DEPDC1: variants seen among roughly 807,000 people sequenced by gnomAD.
DEPDC1 encodes DEP domain containing 1.
In DEPDC1, 66 loss-of-function variants were observed where a neutral mutation model predicts 86.8. That is an observed-to-expected ratio of 0.76 (90% CI 0.62 to 0.93). The LOEUF (loss-of-function observed/expected upper bound fraction) is 0.93. Among genes scored for constraint, DEPDC1 ranks in the 40% least tolerant of loss-of-function variants. The pLI, the probability that DEPDC1 is intolerant of heterozygous loss-of-function variation, is 0.00. For missense variants in DEPDC1, 792 were observed against 935.7 expected (o/e 0.85, Z 2.00); for synonymous variants, 255 against 314.9 (o/e 0.81, Z 2.02).
At chr1:68,481,983 C>G (rs1017316843) in intron 8 of DEPDC1, 63 bp downstream of exon 8, 2 of 1,447,536 alleles carry the variant, frequency 1.4e-6, no homozygotes, top group Admixed American at 2.6e-5. Flanking sequence ...GCCAGGTAAG[C>G]AAAACACAGA....
chr1:68,496,549 C>G lies in DEPDC1; in HGVS notation c.48+403G>C, dbSNP rs1646266499. The G allele has an allele frequency of 5.3e-6, 1 of 189,170 alleles. No homozygotes were observed. The highest frequency in any genetic ancestry group is 2.3e-5 in the African/African-American group (1 of 42,982). 11.7% of individuals were successfully genotyped at this position (189,170 alleles called of 1,614,324 possible). A position where few individuals can be genotyped will look rare whatever the true frequency, so the allele number is the denominator to read the frequency against. On this transcript the variant is annotated intron_variant, in intron 1 of 11. Transcript: ENST00000456315. This position sits in a 1 kb window ranked among gnomAD's most constrained non-coding sequence, Gnocchi z 4.0. ...TGCCACATTCGGGCTTGCCCCCCAC[C>G]TAACCCTACAAAGCTTTGGACCTCA...
Position 68,481,575 on chromosome 1 carries a change from A to T in DEPDC1, c.1800T>A (p.Asp600Glu). The stretch of plus-strand genomic sequence containing the variant: ...GTAACAAACAACATAACTGTAGAGC[A>T]TCGATGGCAACCCTCTCTAAATGAG... ...LQPHLERVAIDALQLCCLLLP... is the reference protein window; with the variant it reads ...LQPHLERVAIEALQLCCLLLP... Residue 600 changes from aspartate to glutamate, a missense_variant, in exon 9 of 12, where the codon GAT becomes GAA. By Grantham distance (45) the Asp-to-Glu change is conservative (BLOSUM62 2). Transcript: ENST00000456315. 6.2e-7 allele frequency: 1 copy of T among 1,609,496 alleles called. No individual in the cohort carries two copies. The highest frequency in any genetic ancestry group is 8.5e-7 in the Non-Finnish European group (1 of 1,177,474).
rs1309300319 is a variant in DEPDC1 at position 68,475,289 on chromosome 1, TA to T, written c.*1642del. The T allele has an allele frequency of 1.3e-5, 2 of 151,980 alleles. No individual in the cohort carries two copies. The highest frequency in any genetic ancestry group is 3.9e-4 in the East Asian group (2 of 5,190). 9.4% of individuals were successfully genotyped at this position (151,980 alleles called of 1,614,324 possible). A position where few individuals can be genotyped will look rare whatever the true frequency, so the allele number is the denominator to read the frequency against. On this transcript the variant is annotated 3_prime_UTR_variant, in exon 12 of 12. Transcript: ENST00000456315. The stretch of plus-strand genomic sequence containing the variant: ...AAGTTGCCTGCCTTTATTATTTATA[TA>T]TTTGTCTATAATACAAAAGCAAAAT...
Position 68,474,496 on chromosome 1 carries a change from A to C in DEPDC1, c.*2436T>G, listed in dbSNP as rs902746345. The stretch of plus-strand genomic sequence containing the variant: ...GATGGTGGAGGCAGTAATTTCTGGG[A>C]TAAGAACTATAATTTACAGAATAAC... On this transcript the variant is annotated 3_prime_UTR_variant, in exon 12 of 12. Transcript: ENST00000456315. 6.6e-6 allele frequency: 1 copy of C among 152,072 alleles called. No homozygotes were observed. The highest frequency in any genetic ancestry group is 1.5e-5 in the Non-Finnish European group (1 of 67,980). The allele number at this position is 152,072 out of a possible 1,614,324, so 9.4% of individuals were successfully genotyped here. A position where few individuals can be genotyped will look rare whatever the true frequency, so the allele number is the denominator to read the frequency against.
intron 3 of DEPDC1, among the ~76,000 whole-genome samples, 187 bp downstream of exon 3, chr1:68,489,261 TCTCA>T (rs1345130473): frequency 6.6e-6 from 1 of 151,946 alleles, no homozygotes; most frequent in Non-Finnish European, 1.5e-5. Flanking sequence ...TTCAATTATG[TCTCA>T]CTATCATTTT....
rs142997837 is a variant in DEPDC1 at position 68,494,627 on chromosome 1, T to C, written c.117A>G (p.Lys39=). Residue 39 remains lysine (K), a synonymous_variant, in exon 2 of 12, where the codon AAA becomes AAG. Coordinates refer to ENST00000456315, the MANE Select transcript of DEPDC1 (RefSeq NM_001114120.3). ...CTCCTGCTGTGAAACAATTGCCATA[T>C]TTTTTAAAGTGTTGTCTGTGTTTTC... ...PLRKHRQHFK[K]YGNCFTAGEA... The C allele has an allele frequency of 6.2e-6, 10 of 1,613,598 alleles. No individual in the cohort carries two copies. In the African/African-American group the frequency reaches 1.2e-4, roughly 19 times the overall value.
intron 2 of DEPDC1, among the ~76,000 whole-genome samples, chr1:68,492,297 G>T (rs1646234187): frequency 6.6e-6 from 1 of 151,910 alleles, no homozygotes; most frequent in South Asian, 2.1e-4. Context: ...TCATGAACAG[G>T]GTATCTTTCT....
chr1:68,481,664 C>A, intron 8 of DEPDC1, 52 bp from the exon 9 acceptor site: 1 of 1,434,362 alleles, frequency 7.0e-7, no homozygotes. Context: ...TAGTTGCTTT[C>A]ATACTACCAG....
At position 68,482,614 on chromosome 1, in the gene DEPDC1, T is replaced by G; in HGVS notation, c.1194A>C (p.Gly398=). Reference sequence around the variant, plus strand: ...TTAACCCTATTAAATTATGACAACTTCCTCCCATTATGTCATTAGCACTCA... The same window carrying G: ...TTAACCCTATTAAATTATGACAACTGCCTCCCATTATGTCATTAGCACTCA... ...RRVSANDIMG[G]SCHNLIGLSN... is the part of the protein sequence containing the mutation. The change falls in exon 8 of 12, where the codon GGA becomes GGC. Residue 398 remains glycine, a synonymous_variant. Coordinates refer to ENST00000456315, the MANE Select transcript of DEPDC1 (RefSeq NM_001114120.3). The G allele has an allele frequency of 1.2e-6, 2 of 1,612,930 alleles. No individual in the cohort carries two copies. Among genetic ancestry groups the G allele is most frequent in the African/African-American group, 2.7e-5 (2 of 74,980 alleles).
intron 2 of DEPDC1, among the ~76,000 whole-genome samples, chr1:68,493,970 G>A (rs1263263819): frequency 1.3e-5 from 2 of 152,142 alleles, no homozygotes; most frequent in African/African-American, 2.4e-5. Flanking sequence ...AAAGTGCTGG[G>A]ATTACAGGCA....
rs907093871 is a variant in DEPDC1, at chr1:68,477,829, G to A, written c.2256C>T (p.Asn752=). The A allele has an allele frequency of 6.4e-7, 1 of 1,565,104 alleles. No homozygotes were observed. The change falls in exon 11 of 12, where the codon AAC becomes AAT. Residue 752 remains asparagine (N), a synonymous_variant. Transcript: ENST00000456315. ...IAELLENIIK[N]RSLPLKEKRK... ...TTTTCTCCTTTAGAGGTAAACTCCT[G>A]TTTTTAATAATATTTTCTAAAAGTT...
chr1:68,483,041 A>C, intron 7 of DEPDC1, 144 bp from the exon 8 acceptor site: 1 of 830,412 alleles, frequency 1.2e-6, no homozygotes, highest in South Asian at 1.9e-5. Flanking sequence ...CTTAATTCAG[A>C]AGCCACTTAA....
At chr1:68,481,895 T>C (rs905458323) in intron 8 of DEPDC1, 151 bp downstream of exon 8, 14 of 789,034 alleles carry the variant, frequency 1.8e-5, no homozygotes, top group Non-Finnish European at 2.4e-5. Context: ...GAATAAATCT[T>C]GGTTATGTCA....
rs192522315 is a variant in DEPDC1, at chr1:68,475,374, T to C, written c.*1558A>G. 1.4e-4 allele frequency: 21 copies of C among 152,066 alleles called. No homozygotes were observed. In the East Asian group the frequency reaches 4.1e-3, roughly 29 times the overall value. 9.4% of individuals were successfully genotyped at this position (152,066 alleles called of 1,614,324 possible). On this transcript the variant is annotated 3_prime_UTR_variant, in exon 12 of 12. Coordinates refer to ENST00000456315, the MANE Select transcript of DEPDC1 (RefSeq NM_001114120.3). Reference sequence around the variant, plus strand: ...TCAATTTGCAACATAATCCACATTTTACATATCTATAAACAATAAACGTTT... The same window carrying C: ...TCAATTTGCAACATAATCCACATTTCACATATCTATAAACAATAAACGTTT...
At chr1:68,493,772 G>C (rs1374330289) in intron 2 of DEPDC1, among the ~76,000 whole-genome samples, 1 of 152,142 alleles carries the variant, frequency 6.6e-6, no homozygotes, top group African/African-American at 2.4e-5. Context: ...CTGGAGTGCA[G>C]TGGTGCAATC....
chr1:68,489,149 G>C (rs1267241273), intron 3 of DEPDC1, 115 bp from the exon 4 acceptor site: 1 of 703,864 alleles, frequency 1.4e-6, no homozygotes, highest in Non-Finnish European at 2.4e-6. Context: ...ATCTCCCAAA[G>C]AAATAATGTA....
In DEPDC1 at chr1:68,489,472, G is replaced by T. The variant is rs747945746; in HGVS notation, c.451C>A (p.His151Asn). 6.6e-7 allele frequency: 1 copy of T among 1,507,808 alleles called. No homozygotes were observed. Among genetic ancestry groups the T allele is most frequent in the South Asian group, 1.4e-5 (1 of 71,776 alleles). 93.4% of individuals were successfully genotyped at this position (1,507,808 alleles called of 1,614,324 possible). Reference protein sequence around the residue: ...RNLSRRTPKRHGLHLSQENGE... With the variant: ...RNLSRRTPKRNGLHLSQENGE... ...GTTACCTGAGATAAATGTAATCCAT[G>T]CCTTTTAGGAGTTCTACGAGATAAG... Residue 151 changes from histidine to asparagine, a missense_variant, in exon 3 of 12, where the codon CAT becomes AAT. His to Asn is a moderately conservative substitution (Grantham distance 68). Coordinates refer to ENST00000456315, the MANE Select transcript of DEPDC1 (RefSeq NM_001114120.3).
At chr1:68,480,424 C>G (rs1250965621) in intron 9 of DEPDC1, among the ~76,000 whole-genome samples, 1 of 151,976 alleles carries the variant, frequency 6.6e-6, no homozygotes, top group Non-Finnish European at 1.5e-5. Context: ...TTCCATGGCT[C>G]AGACCTCAGC....
chr1:68,495,862 G>A (rs992861225), intron 1 of DEPDC1, among the ~76,000 whole-genome samples: 1 of 152,194 alleles, frequency 6.6e-6, no homozygotes, highest in East Asian at 1.9e-4. Flanking sequence ...TGAAGTACTA[G>A]TAAGCATTCA....
Sources: allele counts gnomAD v4.1 joint callset (sites outside exome capture counted in the v4.1 genomes callset), GRCh38; gene constraint gnomAD v4.1.1; non-coding constraint Gnocchi (gnomAD v3.1); transcripts MANE v1.5; gene names NCBI Gene and HGNC (gene_info 2026-07-23, HGNC 2026-07-21).